Variants in RALGAPA1 observed in about 807,000 individuals in gnomAD.
RALGAPA1 encodes the protein ral GTPase-activating protein subunit alpha-1.
In RALGAPA1, 52 loss-of-function variants were observed where a neutral mutation model predicts 269.6. That is an observed-to-expected ratio of 0.19 (90% confidence interval 0.15 to 0.24). The LOEUF (loss-of-function observed/expected upper bound fraction) is 0.24. RALGAPA1 is among the 10% of genes least tolerant of loss of function. The pLI, the probability that RALGAPA1 is intolerant of heterozygous loss-of-function variation, is 1.00. For synonymous variants in RALGAPA1, 817 were observed against 1,008.3 expected (o/e 0.81, Z 3.60); for missense variants, 1,917 against 3,013.9 (o/e 0.64, Z 8.52).
intron 17 of RALGAPA1, among the ~76,000 whole-genome samples, chr14:35,697,851 C>T (rs1427259012): frequency 2.6e-5 from 4 of 152,036 alleles, no homozygotes; most frequent in Non-Finnish European, 2.9e-5. Flanking sequence ...AGGTTCCTTG[C>T]CTCTTTCAAA....
At chr14:35,767,509 A>G (rs1448925663) in intron 4 of RALGAPA1, among the ~76,000 whole-genome samples, 1 of 152,074 alleles carries the variant, frequency 6.6e-6, no homozygotes, top group Non-Finnish European at 1.5e-5. Context: ...AACATGGTGA[A>G]ACCCTGTCTC....
intron 1 of RALGAPA1, among the ~76,000 whole-genome samples, chr14:35,797,447 G>C (rs2076657286): frequency 6.6e-6 from 1 of 151,860 alleles, no homozygotes; most frequent in African/African-American, 2.4e-5. Context: ...AATAAAGAAA[G>C]GTTGGTTAAT....
At chr14:35,664,477 T>C (rs2140160558) in intron 27 of RALGAPA1, among the ~76,000 whole-genome samples, 165 bp downstream of exon 27, 1 of 152,320 alleles carries the variant, frequency 6.6e-6, no homozygotes, top group Middle Eastern at 3.4e-3. Flanking sequence ...CAAAAAAGGA[T>C]ATGCTCCAAA....
At chr14:35,599,752 AAAAC>A (rs767444325) in intron 36 of RALGAPA1, among the ~76,000 whole-genome samples, 1 of 152,220 alleles carries the variant, frequency 6.6e-6, no homozygotes, top group Non-Finnish European at 1.5e-5. Context: ...ACTCCACCTC[AAAAC>A]AAACAGACAA....
intron 18 of RALGAPA1, among the ~76,000 whole-genome samples, chr14:35,686,960 T>G (rs2065993265): frequency 6.6e-6 from 1 of 152,216 alleles, no homozygotes; most frequent in Non-Finnish European, 1.5e-5. Context: ...ACTGGTATAT[T>G]TATCTTTTTT....
chr14:35,640,293 T>C (rs2061940274), intron 31 of RALGAPA1, among the ~76,000 whole-genome samples: 1 of 151,020 alleles, frequency 6.6e-6, no homozygotes, highest in Non-Finnish European at 1.5e-5. Context: ...AAATGAAAAA[T>C]TGGCACATGA....
At chr14:35,579,095 G>A (rs898979098) in intron 37 of RALGAPA1, among the ~76,000 whole-genome samples, 2 of 152,320 alleles carry the variant, frequency 1.3e-5, no homozygotes, top group Middle Eastern at 3.4e-3. Flanking sequence ...TGTCATGTGA[G>A]TTTAAGAACA....
intron 39 of RALGAPA1, among the ~76,000 whole-genome samples, chr14:35,565,220 G>C (rs1254087164): frequency 6.6e-6 from 1 of 151,406 alleles, no homozygotes; most frequent in Non-Finnish European, 1.5e-5. Context: ...AGGATAAAAA[G>C]AAAAGAAAAA....
Position 35,808,938 on chromosome 14 carries a change from G to A in RALGAPA1, c.-103C>T, listed in dbSNP as rs1204004961. On this transcript the variant is annotated 5_prime_UTR_variant, in exon 1 of 42. Coordinates refer to ENST00000680220, the MANE Select transcript of RALGAPA1 (RefSeq NM_001346249.2). ...GACGGGGAGGAGACTAGCCAGAGAGGCTCATTAGCTCCCCAGCCTTGCGGG... is the reference window on the plus strand; with the variant it reads ...GACGGGGAGGAGACTAGCCAGAGAGACTCATTAGCTCCCCAGCCTTGCGGG... 6 of 1,492,874 alleles carry A rather than the reference G, an allele frequency of 4.0e-6. No individual in the cohort carries two copies. The highest frequency in any genetic ancestry group is 5.3e-6 in the Non-Finnish European group (6 of 1,123,208). 92.5% of individuals were successfully genotyped at this position (1,492,874 alleles called of 1,614,324 possible). A position where few individuals can be genotyped will look rare whatever the true frequency, so the allele number is the denominator to read the frequency against.
At chr14:35,773,853 CAT>C (rs1253357278) in intron 3 of RALGAPA1, among the ~76,000 whole-genome samples, 1 of 151,926 alleles carries the variant, frequency 6.6e-6, no homozygotes, top group African/African-American at 2.4e-5. Flanking sequence ...AGCTAAGAGA[CAT>C]ATAAATGAGG....
chr14:35,725,084 T>C lies in RALGAPA1; in HGVS notation c.1806A>G (p.Leu602=), dbSNP rs775392336. Reference sequence around the variant, plus strand: ...TCATATTTTTTTTCCCTTGGAACTGTAGAAAAGCTTGTGATGGCATCTTCA... The same window carrying C: ...TCATATTTTTTTTCCCTTGGAACTGCAGAAAAGCTTGTGATGGCATCTTCA... The part of the protein sequence containing the change: ...SVLKMPSQAF[L]QFQGKKNMTL... The change falls in exon 14 of 42, where the codon CTA becomes CTG. Residue 602 remains leucine (L), a synonymous_variant. Transcript: ENST00000680220. 3.7e-6 allele frequency: 6 copies of C among 1,609,430 alleles called. No homozygotes were observed. The highest frequency in any genetic ancestry group is 2.2e-5 in the East Asian group (1 of 44,694).
rs55963758 is a variant in RALGAPA1, at chr14:35,702,726, A to ATATAT, written c.2267-2425_2267-2424insATATA. Among the ~76,000 whole-genome samples, 453 of 143,488 alleles carry ATATAT rather than the reference A, an allele frequency of 3.2e-3. 2 individuals carry two copies. The highest frequency in any genetic ancestry group is 0.011 in the African/African-American group (427 of 38,618). The allele number at this position is 143,488 out of a possible 152,430, so 94.1% of individuals were successfully genotyped here. ...TAATCACCTTTAATTAAAAAAAAAA[A>ATATAT]ATATATATATATATACATTTTTTTT... On this transcript the variant is annotated intron_variant, in intron 16 of 41. Transcript: ENST00000680220.
intron 36 of RALGAPA1, among the ~76,000 whole-genome samples, chr14:35,599,849 T>C (rs2059165145): frequency 6.6e-6 from 1 of 152,206 alleles, no homozygotes; most frequent in African/African-American, 2.4e-5. Context: ...GATAAGAAAT[T>C]TGCTATCTCT....
intron 35 of RALGAPA1, among the ~76,000 whole-genome samples, chr14:35,615,225 T>C (rs1594821875): frequency 6.6e-6 from 1 of 152,298 alleles, no homozygotes; most frequent in East Asian, 1.9e-4. Context: ...CAAAGTGACA[T>C]CTGTCAAGTT....
At chr14:35,650,368 G>A (rs2062739144) in intron 31 of RALGAPA1, among the ~76,000 whole-genome samples, 1 of 151,986 alleles carries the variant, frequency 6.6e-6, no homozygotes, top group Non-Finnish European at 1.5e-5. Flanking sequence ...TTGGGTGACA[G>A]AGTGAGATGA....
chr14:35,774,001 C>A (rs2074832840), intron 3 of RALGAPA1, among the ~76,000 whole-genome samples: 1 of 152,108 alleles, frequency 6.6e-6, no homozygotes, highest in Admixed American at 6.5e-5. Context: ...ATAGTTTCGA[C>A]CTCCTGGGTT....
intron 25 of RALGAPA1, 128 bp downstream of exon 25, chr14:35,672,739 A>T: frequency 2.3e-6 from 2 of 864,996 alleles, no homozygotes; most frequent in Non-Finnish European, 3.2e-6. Flanking sequence ...AGTAAATTGT[A>T]TATAAATCAC....
In RALGAPA1 at chr14:35,738,990, T is replaced by TA. The variant is rs909705890; in HGVS notation, c.1450-341dup. Among the ~76,000 whole-genome samples, 13 of 152,202 alleles carry TA rather than the reference T, an allele frequency of 8.5e-5. No individual in the cohort carries two copies. In the South Asian group the frequency reaches 1.7e-3, roughly 19 times the overall value. On this transcript the variant is annotated intron_variant, in intron 11 of 41. Transcript: ENST00000680220. ...TGGGATTATACTACCTATAGCTTTGTAAAAAGATGAATTCTGTTCTAAATT... is the reference window on the plus strand; with the variant it reads ...TGGGATTATACTACCTATAGCTTTGTAAAAAAGATGAATTCTGTTCTAAATT...
At chr14:35,719,663 C>T (rs752182832) in intron 16 of RALGAPA1, among the ~76,000 whole-genome samples, 1 of 152,008 alleles carries the variant, frequency 6.6e-6, no homozygotes, top group Non-Finnish European at 1.5e-5. Flanking sequence ...GCATAAATTA[C>T]TTCTATAATC....
Sources: allele counts gnomAD v4.1 joint callset (sites outside exome capture counted in the v4.1 genomes callset), GRCh38; gene constraint gnomAD v4.1.1; transcripts MANE v1.5; gene names NCBI Gene and HGNC (gene_info 2026-07-23, HGNC 2026-07-21).